Variants in FAM156A observed in about 807,000 individuals in gnomAD.
The protein encoded by FAM156A is protein FAM156A/FAM156B.
intron 1 of FAM156A, among the ~76,000 whole-genome samples, chrX:52,989,237 A>C (rs1930515822): frequency 9.0e-6 from 1 of 110,889 alleles, no homozygotes. Context: ...GCAGGTGGCC[A>C]CCCCAGAACA....
intron 1 of FAM156A, among the ~76,000 whole-genome samples, chrX:52,973,389 C>G (rs1234979040): frequency 1.8e-5 from 2 of 109,998 alleles, no homozygotes; most frequent in Non-Finnish European, 3.8e-5. Flanking sequence ...ACACTACATA[C>G]AGAGGAACAA....
intron 1 of FAM156A, among the ~76,000 whole-genome samples, chrX:52,992,964 C>T (rs1402769043): frequency 2.7e-5 from 3 of 111,816 alleles, no homozygotes; most frequent in East Asian, 2.8e-4. Flanking sequence ...CTGTGTCTCC[C>T]GTGGCACAAT....
At chrX:52,979,693 A>G (rs1327723530) in intron 1 of FAM156A, among the ~76,000 whole-genome samples, 8 of 111,534 alleles carry the variant, frequency 7.2e-5, no homozygotes, top group African/African-American at 2.0e-4. Context: ...CTGAGCATCA[A>G]TGTCCCATGG....
chrX:52,988,199 T>C (rs1345894849), intron 1 of FAM156A, among the ~76,000 whole-genome samples: 1 of 103,869 alleles, frequency 9.6e-6, no homozygotes, highest in Non-Finnish European at 2.0e-5. Context: ...TGAGCCGAGA[T>C]CACGCCACTG....
intron 1 of FAM156A, among the ~76,000 whole-genome samples, chrX:52,989,055 G>T (rs1930504097): frequency 8.9e-6 from 1 of 112,098 alleles, no homozygotes; most frequent in South Asian, 3.7e-4. Flanking sequence ...GTCAGAACAG[G>T]TGAGTCATTA....
chrX:52,987,811 G>C (rs1249353567), intron 1 of FAM156A, among the ~76,000 whole-genome samples: 2 of 111,736 alleles, frequency 1.8e-5, no homozygotes, highest in Admixed American at 9.5e-5. Flanking sequence ...AAATGTTTAT[G>C]GCAGCTCTAT....
intron 1 of FAM156A, among the ~76,000 whole-genome samples, chrX:52,983,145 C>T (rs896392152): frequency 8.9e-6 from 1 of 112,278 alleles, no homozygotes; most frequent in East Asian, 2.8e-4. Flanking sequence ...CTCAGGTACT[C>T]GTGAGGCTGA....
At chrX:52,990,853 A>AAAGAAAAGAAAAGAAAAGAAAAGAT (rs1569209023) in intron 1 of FAM156A, among the ~76,000 whole-genome samples, 18 of 109,423 alleles carry the variant, frequency 1.6e-4, no homozygotes, top group African/African-American at 5.8e-4. Context: ...AAAGAAAAGA[A>AAAGAAAAGAAAAGAAAAGAAAAGAT]AAGATGCTGG....
chrX:52,994,387 C>T (rs781981735), intron 1 of FAM156A, among the ~76,000 whole-genome samples: 9 of 110,855 alleles, frequency 8.1e-5, no homozygotes, highest in Non-Finnish European at 1.7e-4. Context: ...AGACACCTCC[C>T]AACCTAATAC....
At chrX:52,992,584 C>T (rs1930858708) in intron 1 of FAM156A, among the ~76,000 whole-genome samples, 1 of 109,909 alleles carries the variant, frequency 9.1e-6, no homozygotes, top group African/African-American at 3.3e-5. Flanking sequence ...TCCCACAGCA[C>T]TCTGCTTCAC....
rs1375681622 is a variant in FAM156A, at chrX:52,994,708, CTCA to C, written c.-434+595_-434+597del. Reference sequence around the variant, plus strand: ...TGCACACCCAGGCCAGGCGTGGTGGCTCATGTCTGTAATCCCAGCACTTTGGGA... The same window carrying C: ...TGCACACCCAGGCCAGGCGTGGTGGCTGTCTGTAATCCCAGCACTTTGGGA... On this transcript the variant is annotated intron_variant, in intron 1 of 4. Coordinates refer to the FAM156A transcript ENST00000610625. Among the ~76,000 whole-genome samples, 8 of 111,501 alleles carry C rather than the reference CTCA, an allele frequency of 7.2e-5. No homozygotes were observed. The Admixed American group carries it at 7.6e-4, about 11-fold the overall frequency.
intron 1 of FAM156A, among the ~76,000 whole-genome samples, chrX:52,992,468 G>A (rs1556795816): frequency 1.8e-5 from 2 of 111,672 alleles, no homozygotes; most frequent in Non-Finnish European, 3.8e-5. Flanking sequence ...GAGCCCAGGG[G>A]AGGTTCTGCA....
At chrX:52,989,852 G>T (rs1371397330) in intron 1 of FAM156A, among the ~76,000 whole-genome samples, 2 of 112,369 alleles carry the variant, frequency 1.8e-5, no homozygotes, top group Non-Finnish European at 3.8e-5. Context: ...GGTGCCCTCA[G>T]GACTCGCCAA....
chrX:52,992,563 C>T (rs1186034857), intron 1 of FAM156A, among the ~76,000 whole-genome samples: 6 of 109,980 alleles, frequency 5.5e-5, no homozygotes, highest in Middle Eastern at 4.7e-3. Flanking sequence ...GACACTCACG[C>T]GACTCCCACT....
At chrX:52,977,481 G>A (rs1929571806) in intron 1 of FAM156A, among the ~76,000 whole-genome samples, 1 of 111,692 alleles carries the variant, frequency 9.0e-6, no homozygotes, top group Non-Finnish European at 1.9e-5. Context: ...CCATTGCCCA[G>A]GCCAGAGTGT....
chrX:52,992,530 C>T (rs955936762), intron 1 of FAM156A, among the ~76,000 whole-genome samples: 3 of 110,726 alleles, frequency 2.7e-5, no homozygotes, highest in Admixed American at 9.6e-5. Context: ...CAGGGCACTG[C>T]GAGCCTGTGT....
At chrX:52,990,808 AAAGAAAAG>A (rs1452876870) in intron 1 of FAM156A, among the ~76,000 whole-genome samples, 2 of 74,675 alleles carry the variant, frequency 2.7e-5, no homozygotes, top group African/African-American at 5.2e-5. Context: ...AAAGAAAAGA[AAAGAAAAG>A]AAAAGAAAAG....
chrX:52,977,220 A>G (rs1929555209), intron 1 of FAM156A, among the ~76,000 whole-genome samples: 1 of 107,485 alleles, frequency 9.3e-6, no homozygotes, highest in Non-Finnish European at 1.9e-5. Flanking sequence ...TTATTCTCAC[A>G]TCTCTGAACT....
At chrX:52,976,226 A>G (rs1465035218) in intron 1 of FAM156A, among the ~76,000 whole-genome samples, 1 of 111,861 alleles carries the variant, frequency 8.9e-6, no homozygotes, top group Non-Finnish European at 1.9e-5. Flanking sequence ...CGGGCGGATC[A>G]TGAGGTCAGG....
Sources: gnomAD v4.1 joint callset for allele counts (sites outside exome capture counted in the v4.1 genomes callset) on GRCh38, gnomAD v4.1.1 for gene constraint, MANE v1.5 for transcripts, NCBI Gene and HGNC (gene_info 2026-07-23, HGNC 2026-07-21) for gene names.